Variants in FHL1 observed in about 807,000 individuals in gnomAD.
The protein encoded by FHL1 is four and a half LIM domains protein 1.
Under a neutral mutation model 20.3 loss-of-function variants are expected in FHL1, and 1 was observed. The observed-to-expected ratio is 0.05, with a 90% CI of 0.02 to 0.23. The LOEUF (loss-of-function observed/expected upper bound fraction) is 0.23, where lower values mean the gene tolerates loss of function less well. Ranked by LOEUF, FHL1 falls within the 10% of genes least tolerant of loss-of-function variation. The pLI is 1.00. For missense variants in FHL1, 177 were observed against 234.0 expected (o/e 0.76, Z 1.59); for synonymous variants, 82 against 88.9 (o/e 0.92, Z 0.44).
At chrX:136,163,093 G>A (rs192416373) in intron 1 of FHL1, among the ~76,000 whole-genome samples, 2 of 112,104 alleles carry the variant, frequency 1.8e-5, no homozygotes, top group African/African-American at 6.5e-5. Context: ...CACCAGGGAG[G>A]AGCTCTCCCG....
intron 1 of FHL1, among the ~76,000 whole-genome samples, chrX:136,150,576 C>T (rs1271699599): frequency 8.9e-6 from 1 of 112,021 alleles, no homozygotes; most frequent in Non-Finnish European, 1.9e-5. Context: ...CTTAAAAGAT[C>T]TTTTCTTTTA....
At chrX:136,209,144 G>T in intron 5 of FHL1, 1 of 804,222 alleles carries the variant, frequency 1.2e-6, no homozygotes, top group Non-Finnish European at 1.8e-6. Context: ...TCTCGCGGCC[G>T]CGATCCACGT....
chrX:136,174,378 A>C lies in FHL1; in HGVS notation c.-27+4398A>C, dbSNP rs148753762. Among the ~76,000 whole-genome samples the C allele has an allele frequency of 1.6e-3, 176 of 111,564 alleles. 1 individual carries two copies. The South Asian group carries it at 0.061, about 38-fold the overall frequency. ...TTATTCTGGCAGATTCCTGTAGTCT[A>C]CTTTGGTGCTTCTCACACTTTAATG... On this transcript the variant is annotated intron_variant, in intron 2 of 6. Transcript: ENST00000394153.
chrX:136,175,502 GAAA>G (rs1364034749), intron 2 of FHL1, among the ~76,000 whole-genome samples: 1 of 111,559 alleles, frequency 9.0e-6, no homozygotes, highest in East Asian at 2.8e-4. Flanking sequence ...TCTAAGAAAA[GAAA>G]AAAAGCTGTG....
upstream of FHL1, chrX:136,196,915 G>A: frequency 9.0e-7 from 1 of 1,113,751 alleles, no homozygotes; most frequent in Non-Finnish European, 1.2e-6. Context: ...CTTCTCCCTT[G>A]GATCACCTAA....
In FHL1 at chrX:136,209,960, G is replaced by A. The variant is rs780191041; in HGVS notation, c.826G>A (p.Ala276Thr). 2.5e-6 allele frequency: 3 copies of A among 1,210,993 alleles called. No individual in the cohort carries two copies. The Admixed American group carries it at 6.5e-5, about 26-fold the overall frequency. ...FHCKKCSVNL[A>T]NKRFVFHQEQ... ...CTGCAAAAAATGCTCCGTGAATCTG[G>A]CCAACAAGCGCTTTGTTTTCCACCA... The change falls in exon 6 of 6, where the codon GCC (alanine) becomes ACC (threonine). Residue 276 changes from alanine (A) to threonine (T), a missense_variant. Transcript: ENST00000370683.
At chrX:136,171,301 C>A (rs1246407074) in intron 2 of FHL1, among the ~76,000 whole-genome samples, 1 of 111,431 alleles carries the variant, frequency 9.0e-6, no homozygotes, top group Non-Finnish European at 1.9e-5. Context: ...ATCTTTAGAT[C>A]TAACCCCAAT....
At chrX:136,187,123 C>G (rs1264686737) in intron 2 of FHL1, among the ~76,000 whole-genome samples, 7 of 98,826 alleles carry the variant, frequency 7.1e-5, no homozygotes, top group Non-Finnish European at 1.4e-4. Flanking sequence ...TAGTATACCA[C>G]TATTTATGTT....
chrX:136,163,015 C>T (rs2072615078), intron 1 of FHL1, among the ~76,000 whole-genome samples: 1 of 112,407 alleles, frequency 8.9e-6, no homozygotes, highest in Non-Finnish European at 1.9e-5. Flanking sequence ...GAGGAACGCC[C>T]TGCCCTCATG....
rs761485909 is a variant in FHL1 at position 136,208,030 on chromosome X, CCACA to C, written c.549+75_549+78del. 1,574 of 1,091,325 alleles carry C rather than the reference CCACA, an allele frequency of 1.4e-3. 2 individuals carry two copies. The highest frequency in any genetic ancestry group is 1.9e-3 in the Non-Finnish European group (1,492 of 787,094). 89.9% of individuals were successfully genotyped at this position (1,091,325 alleles called of 1,213,427 possible). A position where few individuals can be genotyped will look rare whatever the true frequency, so the allele number is the denominator to read the frequency against. On this transcript the variant is annotated intron_variant, in intron 4 of 5. Transcript: ENST00000370683. ...GTGTTTGACAGTTTGCAGAGCACTT[CCACA>C]CACACTATCCCATTCCATCCTCACG...
intron 1 of FHL1, among the ~76,000 whole-genome samples, chrX:136,198,805 C>T (rs751779046): frequency 9.0e-6 from 1 of 111,714 alleles, no homozygotes; most frequent in African/African-American, 3.3e-5. Flanking sequence ...CCTTTCAAGT[C>T]GAAAACCAGG....
chrX:136,206,734 C>T, intron 2 of FHL1, 146 bp downstream of exon 2: 1 of 824,136 alleles, frequency 1.2e-6, no homozygotes, highest in Non-Finnish European at 1.8e-6. Flanking sequence ...CTCCACTCCC[C>T]AGGCCACAGT....
At chrX:136,201,053 A>G (rs942266979) in intron 1 of FHL1, among the ~76,000 whole-genome samples, 8 of 111,392 alleles carry the variant, frequency 7.2e-5, no homozygotes, top group Non-Finnish European at 1.5e-4. Context: ...AATCCCAGCT[A>G]CTTGGGAGGC....
At chrX:136,205,715 G>A (rs1310573774) in intron 1 of FHL1, among the ~76,000 whole-genome samples, 1 of 111,888 alleles carries the variant, frequency 8.9e-6, no homozygotes, top group Non-Finnish European at 1.9e-5. Context: ...TTAGGTACCT[G>A]GTGTGGTACA....
At chrX:136,163,049 G>A (rs2072616189) in intron 1 of FHL1, among the ~76,000 whole-genome samples, 1 of 112,273 alleles carries the variant, frequency 8.9e-6, no homozygotes, top group Admixed American at 9.4e-5. Context: ...AAGGGCAAGA[G>A]AGCCAAAGGC....
intron 1 of FHL1, among the ~76,000 whole-genome samples, chrX:136,152,988 C>T (rs1237064129): frequency 1.8e-5 from 2 of 111,733 alleles, no homozygotes; most frequent in Non-Finnish European, 3.8e-5. Context: ...CTTAACCTTT[C>T]GGTAGCTCAC....
chrX:136,206,063 C>G (rs931305627), intron 1 of FHL1: 10 of 340,884 alleles, frequency 2.9e-5, no homozygotes, highest in Non-Finnish European at 5.3e-5. Context: ...ATCCTGTCCC[C>G]TATCTGGTGA....
intron 2 of FHL1, among the ~76,000 whole-genome samples, chrX:136,182,393 T>G (rs2073177395): frequency 9.0e-6 from 1 of 111,159 alleles, no homozygotes; most frequent in African/African-American, 3.2e-5. Flanking sequence ...AAGTGCAAAT[T>G]ATTATTATTA....
intron 1 of FHL1, among the ~76,000 whole-genome samples, chrX:136,163,607 G>A (rs2072632952): frequency 8.9e-6 from 1 of 111,781 alleles, no homozygotes; most frequent in African/African-American, 3.3e-5. Flanking sequence ...AAAATGGGCA[G>A]GGTTTGGCGA....
Sources: gnomAD v4.1 joint callset for allele counts (sites outside exome capture counted in the v4.1 genomes callset) on GRCh38, gnomAD v4.1.1 for gene constraint, MANE v1.5 for transcripts, NCBI Gene and HGNC (gene_info 2026-07-23, HGNC 2026-07-21) for gene names.